DSE: variants seen among roughly 807,000 people sequenced by gnomAD.
DSE encodes dermatan-sulfate epimerase.
A neutral mutation model predicts 84.4 loss-of-function variants in DSE; 36 were observed. That is an observed-to-expected ratio of 0.43 (90% CI 0.33 to 0.56). DSE has a LOEUF of 0.56. DSE is among the 20% of genes least tolerant of loss of function. DSE has a pLI of 0.06. For synonymous variants in DSE, 410 were observed against 430.1 expected, an observed-to-expected ratio of 0.95 and a Z score of 0.58; for missense variants, 862 against 1,169.6, an observed-to-expected ratio of 0.74 and a Z score of 3.84.
chr6:116,294,018 T>A (rs894106452), intron 2 of DSE, among the ~76,000 whole-genome samples: 18 of 151,890 alleles, frequency 1.2e-4, no homozygotes, highest in Non-Finnish European at 1.5e-4. Context: ...TTTAGAAAAA[T>A]TTATTATTTT....
At chr6:116,368,547 G>A (rs933014345), upstream of DSE, among the ~76,000 whole-genome samples, 1 of 152,200 alleles carries the variant, frequency 6.6e-6, no homozygotes, top group African/African-American at 2.4e-5. Context: ...TTAGTTCAGT[G>A]ATTCTCCAAC....
intron 2 of DSE, among the ~76,000 whole-genome samples, chr6:116,339,930 A>ACT (rs1322629974): frequency 2.0e-5 from 3 of 152,218 alleles, no homozygotes; most frequent in Non-Finnish European, 4.4e-5. Flanking sequence ...TTACTGATGG[A>ACT]CTATGAAAAT....
rs1784515329 is a variant in DSE at position 116,444,319 on chromosome 6, T to A, written c.*6974T>A. ...TGGCTCACTCTTAGAAGACACAAAG[T>A]CACTGGACTACAATCCTTTAGGGCA... On this transcript the variant is annotated 3_prime_UTR_variant, in exon 6 of 6. Coordinates refer to ENST00000644252, the MANE Select transcript of DSE (RefSeq NM_013352.4). The A allele has an allele frequency of 6.6e-6, 1 of 152,210 alleles. No homozygotes were observed. Among genetic ancestry groups the A allele is most frequent in the South Asian group, 2.1e-4 (1 of 4,828 alleles). The allele number at this position is 152,210 out of a possible 1,614,324, so 9.4% of individuals were successfully genotyped here. A position where few individuals can be genotyped will look rare whatever the true frequency, so the allele number is the denominator to read the frequency against.
chr6:116,322,241 G>A (rs1220725553), intron 2 of DSE, among the ~76,000 whole-genome samples: 3 of 152,020 alleles, frequency 2.0e-5, no homozygotes, highest in Non-Finnish European at 4.4e-5. Context: ...AACCGATTAG[G>A]TCGGGGTCGA....
chr6:116,428,589 G>A (rs917742843), intron 3 of DSE, among the ~76,000 whole-genome samples: 5 of 152,140 alleles, frequency 3.3e-5, no homozygotes, highest in Non-Finnish European at 7.4e-5. Context: ...CACTCTTCCA[G>A]AGCCCCCACA....
intron 4 of DSE, 194 bp from the exon 5 acceptor site, chr6:116,433,149 T>C: frequency 1.7e-6 from 1 of 601,716 alleles, no homozygotes. Flanking sequence ...GCACACAACA[T>C]ATGTGGAAGA....
chr6:116,336,905 ATAAT>A (rs1466550994), intron 2 of DSE, among the ~76,000 whole-genome samples: 1 of 152,196 alleles, frequency 6.6e-6, no homozygotes, highest in African/African-American at 2.4e-5. Flanking sequence ...TCATTAAATA[ATAAT>A]TTTATTGTCA....
intron 5 of DSE, 99 bp from the exon 6 acceptor site, chr6:116,435,488 T>C: frequency 8.1e-7 from 1 of 1,235,794 alleles, no homozygotes. Context: ...CTGCCAGTGC[T>C]CTGGGTAGCA....
rs1226138992 is a variant in DSE, at chr6:116,441,854, C to T, written c.*4509C>T. On this transcript the variant is annotated 3_prime_UTR_variant, in exon 6 of 6. Coordinates refer to ENST00000644252, the MANE Select transcript of DSE (RefSeq NM_013352.4). Reference sequence around the variant, plus strand: ...TGTTTACAGAGCATCTACTATATGCCAAGTATTGTTTTAGGAACTGAAGAT... The same window carrying T: ...TGTTTACAGAGCATCTACTATATGCTAAGTATTGTTTTAGGAACTGAAGAT... The T allele has an allele frequency of 6.6e-6, 1 of 152,018 alleles. No individual in the cohort carries two copies. The highest frequency in any genetic ancestry group is 1.5e-5 in the Non-Finnish European group (1 of 68,010). 9.4% of individuals were successfully genotyped at this position (152,018 alleles called of 1,614,324 possible).
At chr6:116,392,312 A>G (rs2114976917) in intron 1 of DSE, among the ~76,000 whole-genome samples, 1 of 152,352 alleles carries the variant, frequency 6.6e-6, no homozygotes, top group Admixed American at 6.5e-5. Context: ...AGCGAGTCAC[A>G]GTGCCTAACC....
chr6:116,415,280 A>G (rs1782625803), intron 2 of DSE, among the ~76,000 whole-genome samples: 1 of 151,798 alleles, frequency 6.6e-6, no homozygotes, highest in African/African-American at 2.4e-5. Context: ...ATTGTATACT[A>G]GTGTCTAGTG....
At chr6:116,382,165 G>A (rs962569012) in intron 1 of DSE, among the ~76,000 whole-genome samples, 8 of 151,804 alleles carry the variant, frequency 5.3e-5, no homozygotes, top group Admixed American at 3.3e-4. Flanking sequence ...AATTAAATCT[G>A]CATGACCCTC....
At chr6:116,279,693 C>T in intron 2 of DSE, 1 of 1,610,596 alleles carries the variant, frequency 6.2e-7, no homozygotes, top group South Asian at 1.1e-5. Context: ...CCGGCTCCGC[C>T]ATCACCTGTG....
intron 2 of DSE, chr6:116,279,412 G>C (rs370116569): frequency 4.8e-5 from 78 of 1,613,196 alleles, no homozygotes; most frequent in Non-Finnish European, 6.4e-5. Flanking sequence ...CTCAGACGCG[G>C]ATCTCTGGGC....
rs1292700931 is a variant in DSE at position 116,305,523 on chromosome 6, A to G, written c.-54+46556A>G. On this transcript the variant is annotated intron_variant, in intron 2 of 3. Transcript: ENST00000430252. ...GTCCTATACAAGAAAAACAATTGAC[A>G]TAGTATACAGATCACTATTAAGGCA... Among the ~76,000 whole-genome samples the G allele has an allele frequency of 2.0e-5, 3 of 152,280 alleles. No homozygotes were observed. In the East Asian group the frequency reaches 5.8e-4, roughly 29 times the overall value.
intron 2 of DSE, among the ~76,000 whole-genome samples, chr6:116,288,746 A>G (rs1372054119): frequency 1.3e-5 from 2 of 152,116 alleles, no homozygotes; most frequent in African/African-American, 4.8e-5. Context: ...ATTGGATCTC[A>G]TGCAACATTT....
intron 2 of DSE, among the ~76,000 whole-genome samples, chr6:116,354,867 A>G (rs1778494947): frequency 6.6e-6 from 1 of 152,202 alleles, no homozygotes. Flanking sequence ...GTTTTATAAT[A>G]AAATAGTGAC....
chr6:116,350,069 G>A (rs1778221022), intron 2 of DSE, among the ~76,000 whole-genome samples: 1 of 152,144 alleles, frequency 6.6e-6, no homozygotes, highest in Non-Finnish European at 1.5e-5. Flanking sequence ...CTTTTATAGT[G>A]TTTAGGAATC....
In DSE at chr6:116,421,463, ATTTTTTTTTTTTTT is replaced by A. The variant is rs71012335; in HGVS notation, c.417-5096_417-5083del. ...TATACATATATATATATATATATATATTTTTTTTTTTTTTTTTTTTTTTTTTTTAGGTACAGGGT... is the reference window on the plus strand; with the variant it reads ...TATACATATATATATATATATATATATTTTTTTTTTTTTTAGGTACAGGGT... On this transcript the variant is annotated intron_variant, in intron 2 of 5. Coordinates refer to ENST00000644252, the MANE Select transcript of DSE (RefSeq NM_013352.4). 2.1e-3 allele frequency among the ~76,000 whole-genome samples: 130 copies of A among 61,340 alleles called. 3 individuals carry two copies. The highest frequency in any genetic ancestry group is 0.01 in the African/African-American group (111 of 10,768). 40.2% of individuals were successfully genotyped at this position (61,340 alleles called of 152,430 possible). A position where few individuals can be genotyped will look rare whatever the true frequency, so the allele number is the denominator to read the frequency against.
Sources: gnomAD v4.1 joint callset for allele counts (sites outside exome capture counted in the v4.1 genomes callset) on GRCh38, gnomAD v4.1.1 for gene constraint, MANE v1.5 for transcripts, NCBI Gene and HGNC (gene_info 2026-07-23, HGNC 2026-07-21) for gene names.